TMEM175: variants seen among roughly 807,000 people sequenced by gnomAD.
TMEM175 encodes the protein endosomal/lysosomal proton channel TMEM175.
In TMEM175, 36 loss-of-function variants were observed where a neutral mutation model predicts 36.5. That is an observed-to-expected ratio of 0.99 (90% CI 0.76 to 1.30). The LOEUF (loss-of-function observed/expected upper bound fraction) is 1.30. Ranked by LOEUF, TMEM175 falls within the 50% of genes most tolerant of loss-of-function variation. TMEM175 has a pLI of 0.00. For synonymous variants in TMEM175, 339 were observed against 313.4 expected, an observed-to-expected ratio of 1.08 and a Z score of -0.86; for missense variants, 705 against 692.8, an observed-to-expected ratio of 1.02 and a Z score of -0.20.
intron 1 of TMEM175, among the ~76,000 whole-genome samples, chr4:947,076 C>A (rs576064838): frequency 1.4e-5 from 2 of 144,072 alleles, no homozygotes; most frequent in Non-Finnish European, 3.0e-5. Flanking sequence ...GAGCGCGGCC[C>A]CTGTAGAGAA....
Position 940,246 on chromosome 4 carries a change from C to T in TMEM175, c.-31-7463C>T, listed in dbSNP as rs144599190. Among the ~76,000 whole-genome samples the T allele has an allele frequency of 3.7e-3, 565 of 152,150 alleles. 3 individuals carry two copies. Among genetic ancestry groups the T allele is most frequent in the African/African-American group, 0.012 (514 of 41,508 alleles). ...GTCAGATCAACTGAGGTCTGGAGTT[C>T]GAGACCAGCCTGGCCAACATGGTGA... On this transcript the variant is annotated intron_variant, in intron 1 of 10. Transcript: ENST00000264771.
In TMEM175 at chr4:958,186, C is replaced by G; in HGVS notation, c.1205C>G (p.Ala402Gly). 6.2e-7 allele frequency: 1 copy of G among 1,603,282 alleles called. No homozygotes were observed. The highest frequency in any genetic ancestry group is 8.5e-7 in the Non-Finnish European group (1 of 1,178,392). ...AMWTTALLHQ[A>G]ETLQPSVWFG... ...TGGACCACGGCGCTGCTGCACCAGG[C>G]GGAGACGCTGCAGCCCTCGGTGTGG... Residue 402 changes from alanine (A) to glycine (G), a missense_variant, in exon 11 of 11, where the codon GCG becomes GGG. Coordinates refer to ENST00000264771, the MANE Select transcript of TMEM175 (RefSeq NM_032326.4).
chr4:945,651 C>T (rs1728052698), intron 1 of TMEM175, among the ~76,000 whole-genome samples: 1 of 152,190 alleles, frequency 6.6e-6, no homozygotes, highest in Admixed American at 6.5e-5. Context: ...CAGCACATCC[C>T]TCTTCCTGCG....
At chr4:948,366 G>A in intron 3 of TMEM175, 2 of 1,533,060 alleles carry the variant, frequency 1.3e-6, no homozygotes, top group Non-Finnish European at 1.7e-6. Flanking sequence ...TGGCCTCCTG[G>A]GAGGGTGGGA....
intron 7 of TMEM175, among the ~76,000 whole-genome samples, chr4:952,916 G>A (rs898630829): frequency 1.3e-5 from 2 of 152,016 alleles, no homozygotes; most frequent in African/African-American, 2.4e-5. Context: ...TGGGCCCTGA[G>A]ACCCCCCACA....
chr4:937,652 C>T (rs78501969), intron 1 of TMEM175, among the ~76,000 whole-genome samples: 2 of 152,138 alleles, frequency 1.3e-5, no homozygotes, highest in Non-Finnish European at 2.9e-5. Context: ...TATACAAACT[C>T]GGAAAGTTGA....
chr4:956,155 C>T, intron 10 of TMEM175: 2 of 687,858 alleles, frequency 2.9e-6, no homozygotes, highest in South Asian at 2.0e-5. Context: ...GTGAGGTCAG[C>T]ACCAGCAGCC....
intron 7 of TMEM175, 75 bp downstream of exon 7, chr4:952,525 A>G (rs1729050077): frequency 1.5e-6 from 2 of 1,360,044 alleles, no homozygotes; most frequent in African/African-American, 3.9e-5. Context: ...TGTGATCACC[A>G]TCGGGGTCGT....
chr4:933,470 C>T (rs1726344467), intron 1 of TMEM175, among the ~76,000 whole-genome samples: 1 of 151,884 alleles, frequency 6.6e-6, no homozygotes, highest in Non-Finnish European at 1.5e-5. Flanking sequence ...TGAGACTCCG[C>T]CTCAAAAAAT....
chr4:958,139 C>T lies in TMEM175; in HGVS notation c.1158C>T (p.Ala386=). 1 of 1,603,038 alleles carries T rather than the reference C, an allele frequency of 6.2e-7. No homozygotes were observed. Among genetic ancestry groups the T allele is most frequent in the Non-Finnish European group, 8.5e-7 (1 of 1,179,614 alleles). ...TCAGCTGCACCATCATCTTCCTGGC[C>T]AGCATCTTCCAGCTGGCCATGTGGA... ...VRVSCTIIFL[A]SIFQLAMWTT... The change falls in exon 11 of 11, where the codon GCC becomes GCT. Residue 386 remains alanine (A), a synonymous_variant. Coordinates refer to ENST00000264771, the MANE Select transcript of TMEM175 (RefSeq NM_032326.4).
chr4:950,101 AAC>A, intron 3 of TMEM175, among the ~76,000 whole-genome samples: 1 of 151,854 alleles, frequency 6.6e-6, no homozygotes, highest in Non-Finnish European at 1.5e-5. Context: ...CCCCAGCAGG[AAC>A]ACAGCCCATA....
intron 1 of TMEM175, among the ~76,000 whole-genome samples, chr4:938,552 G>A (rs952801952): frequency 6.6e-6 from 1 of 152,060 alleles, no homozygotes; most frequent in Non-Finnish European, 1.5e-5. Context: ...AGAGCTACTC[G>A]TGAGTTTAGC....
At chr4:951,910 TGGCCCCGATGAGGGAGTCACC>T (rs1728938567) in intron 6 of TMEM175, 193 bp downstream of exon 6, 1 of 635,674 alleles carries the variant, frequency 1.6e-6, no homozygotes, top group Admixed American at 2.8e-5. Flanking sequence ...GGGGAGGCAG[TGGCCCCGATGAGGGAGTCACC>T]GGCGCTCCCA....
intron 1 of TMEM175, among the ~76,000 whole-genome samples, chr4:940,175 G>A (rs575954460): frequency 4.6e-5 from 7 of 152,310 alleles, no homozygotes; most frequent in South Asian, 2.1e-4. Flanking sequence ...TAGGCCAGGC[G>A]CAGTGGCTCA....
intron 1 of TMEM175, among the ~76,000 whole-genome samples, chr4:938,895 T>A (rs1381212264): frequency 6.6e-6 from 1 of 152,228 alleles, no homozygotes; most frequent in African/African-American, 2.4e-5. Context: ...TTCTAAAATT[T>A]ACTTGGCTCT....
chr4:955,627 C>T (rs1729518284), intron 9 of TMEM175, 128 bp from the exon 10 acceptor site: 1 of 1,475,786 alleles, frequency 6.8e-7, no homozygotes. Flanking sequence ...CCTCGGGCGT[C>T]CCTGTCCTGT....
At chr4:952,075 C>G (rs551916020) in intron 6 of TMEM175, 5 of 584,758 alleles carry the variant, frequency 8.6e-6, no homozygotes, top group Non-Finnish European at 1.5e-5. Flanking sequence ...TGGCAGTGGC[C>G]GCTAGTCTGA....
chr4:947,613 C>A (rs1276718068), intron 1 of TMEM175, 96 bp from the exon 2 acceptor site: 4 of 933,616 alleles, frequency 4.3e-6, no homozygotes, highest in East Asian at 2.6e-5. Flanking sequence ...CAAGCCCCCC[C>A]CCATACCAGT....
rs59165344 is a variant in TMEM175 at position 957,717 on chromosome 4, T to G, written c.843-107T>G. On this transcript the variant is annotated intron_variant, in intron 10 of 10. Transcript: ENST00000264771. ...CACTGGGAAGTCCACATGGTTCATC[T>G]GAAAACGTGCCAGATCCAGGCAGCC... 3.5e-6 allele frequency: 4 copies of G among 1,155,004 alleles called. No homozygotes were observed. The African/African-American group carries it at 6.2e-5, about 18-fold the overall frequency. 71.5% of individuals were successfully genotyped at this position (1,155,004 alleles called of 1,614,324 possible).
Sources: allele counts gnomAD v4.1 joint callset (sites outside exome capture counted in the v4.1 genomes callset), GRCh38; gene constraint gnomAD v4.1.1; transcripts MANE v1.5; gene names NCBI Gene and HGNC (gene_info 2026-07-23, HGNC 2026-07-21).